Variants in ITGB7 observed in about 807,000 individuals in gnomAD.
ITGB7 encodes integrin beta-7.
In ITGB7, 55 loss-of-function variants were observed where a neutral mutation model predicts 83.4. That is an observed-to-expected ratio of 0.66 (90% CI 0.53 to 0.83). ITGB7 has a LOEUF of 0.83. Ranked by LOEUF, ITGB7 falls within the 40% of genes least tolerant of loss-of-function variation. The pLI is 0.00. For missense variants in ITGB7, 921 were observed against 1,046.7 expected (o/e 0.88, Z 1.66); for synonymous variants, 454 against 423.6 (o/e 1.07, Z -0.88).
At chr12:53,197,415 G>T in intron 5 of ITGB7, 78 bp downstream of exon 5, 2 of 1,547,884 alleles carry the variant, frequency 1.3e-6, no homozygotes, top group Non-Finnish European at 1.8e-6. Flanking sequence ...GCCCTTGTGA[G>T]TCCAGGATGT....
intron 5 of ITGB7, 48 bp from the exon 6 acceptor site, chr12:53,196,868 A>G: frequency 6.4e-7 from 1 of 1,561,414 alleles, no homozygotes; most frequent in Non-Finnish European, 8.7e-7. Flanking sequence ...GCAGGGCAGC[A>G]ACAGAGGACC....
intron 5 of ITGB7, 22 bp from the exon 6 acceptor site, chr12:53,196,842 G>T: frequency 6.3e-7 from 1 of 1,579,540 alleles, no homozygotes; most frequent in Non-Finnish European, 8.7e-7. Context: ...GAGGAATGAA[G>T]GTTGTGCCAG....
At chr12:53,191,782 A>T in intron 15 of ITGB7, 77 bp downstream of exon 15, 6 of 1,589,676 alleles carry the variant, frequency 3.8e-6, no homozygotes, top group Middle Eastern at 1.7e-4. Flanking sequence ...GGCTGGGGGA[A>T]CCCAGTGGGA....
At chr12:53,201,714 A>C (rs2120512517) in intron 1 of ITGB7, among the ~76,000 whole-genome samples, 1 of 152,310 alleles carries the variant, frequency 6.6e-6, no homozygotes. Flanking sequence ...CAAATAGCCA[A>C]AATAATCTTG....
At chr12:53,194,403 CT>C in intron 9 of ITGB7, 59 bp from the exon 10 acceptor site, 2 of 1,549,052 alleles carry the variant, frequency 1.3e-6, no homozygotes, top group South Asian at 2.3e-5. Flanking sequence ...CCAACCCCAC[CT>C]TATGTCCTCT....
At position 53,194,240 on chromosome 12, in the gene ITGB7, A is replaced by C. The variant is rs767095135; in HGVS notation, c.1266T>G (p.Ala422=). ...CGTGGTTGCACTGTCCTCGATCCTC[A>C]GCCTTACCCTCCCTCTTCTCAGGAC... is the stretch of plus-strand genomic sequence containing the variant. ...CEGPEKREGK[A]EDRGQCNHVR... is the part of the protein sequence containing the mutation. Residue 422 remains alanine, a synonymous_variant, in exon 10 of 16, where the codon GCT becomes GCG. Coordinates refer to ENST00000267082, the MANE Select transcript of ITGB7 (RefSeq NM_000889.3). 5.6e-6 allele frequency: 9 copies of C among 1,613,750 alleles called. No individual in the cohort carries two copies. The highest frequency in any genetic ancestry group is 7.6e-6 in the Non-Finnish European group (9 of 1,179,976).
chr12:53,192,241 C>G (rs1006471132), intron 14 of ITGB7, 89 bp downstream of exon 14: 1 of 1,408,394 alleles, frequency 7.1e-7, no homozygotes, highest in African/African-American at 1.4e-5. Context: ...CAGCCCCCAG[C>G]CTGTTTCCCA....
intron 6 of ITGB7, 181 bp from the exon 7 acceptor site, chr12:53,196,380 G>A: frequency 1.0e-6 from 1 of 995,880 alleles, no homozygotes; most frequent in Non-Finnish European, 1.5e-6. Context: ...GCTGCTAGTG[G>A]AGGCTTACTT....
Position 53,200,249 on chromosome 12 carries a change from C to T in ITGB7, c.195G>A (p.Lys65=). ...ACCATAGGCCCATCTTTACCAGTTGCTTGCACCATGCACAGCTGGGGTGTG... is the reference window on the plus strand; with the variant it reads ...ACCATAGGCCCATCTTTACCAGTTGTTTGCACCATGCACAGCTGGGGTGTG... ...ILSHPSCAWC[K]QLNFTASGEA... is the part of the protein sequence containing the mutation. Residue 65 remains lysine (K), a synonymous_variant, in exon 3 of 16, where the codon AAG becomes AAA. Transcript: ENST00000267082. 1 of 1,613,838 alleles carries T rather than the reference C, an allele frequency of 6.2e-7. No individual in the cohort carries two copies. Among genetic ancestry groups the T allele is most frequent in the Non-Finnish European group, 8.5e-7 (1 of 1,179,934 alleles).
Position 53,200,424 on chromosome 12 carries a change from A to G in ITGB7, c.20T>C (p.Val7Ala), listed in dbSNP as rs565729522. Reference protein sequence around the residue: MVALPMVLVLLLVLSRG... With the variant: MVALPMALVLLLVLSRG... ...GCTCAGGACCAGCAGCAAAACAAGG[A>G]CCATTGGCAAAGCCACCATGCCCTG... The change falls in exon 3 of 16, where the codon GTC becomes GCC. Residue 7 changes from valine (V) to alanine (A), a missense_variant. Val to Ala is a moderately conservative substitution (Grantham distance 64). Coordinates refer to ENST00000267082, the MANE Select transcript of ITGB7 (RefSeq NM_000889.3). 6 of 1,614,144 alleles carry G rather than the reference A, an allele frequency of 3.7e-6. No homozygotes were observed. Among genetic ancestry groups the G allele is most frequent in the African/African-American group, 1.3e-5 (1 of 75,020 alleles).
At position 53,200,233 on chromosome 12, in the gene ITGB7, C is replaced by A. The variant is rs1259225815; in HGVS notation, c.201+10G>T. 1.2e-6 allele frequency: 2 copies of A among 1,611,430 alleles called. No individual in the cohort carries two copies. The highest frequency in any genetic ancestry group is 1.7e-6 in the Non-Finnish European group (2 of 1,178,140). ...TACACATGGTTCAAAGACCATAGGC[C>A]CATCTTTACCAGTTGCTTGCACCAT... On this transcript the variant is annotated intron_variant, in intron 3 of 15. Coordinates refer to ENST00000267082, the MANE Select transcript of ITGB7 (RefSeq NM_000889.3).
chr12:53,201,741 A>G (rs1214939204), intron 1 of ITGB7, among the ~76,000 whole-genome samples: 1 of 152,124 alleles, frequency 6.6e-6, no homozygotes, highest in Non-Finnish European at 1.5e-5. Flanking sequence ...AGATACTGCA[A>G]AGCTACAGTG....
intron 1 of ITGB7, among the ~76,000 whole-genome samples, chr12:53,202,903 C>T (rs1942351981): frequency 6.6e-6 from 1 of 152,116 alleles, no homozygotes. Context: ...ACCCCCTCCC[C>T]ACCTCACACC....
intron 3 of ITGB7, 27 bp from the exon 4 acceptor site, chr12:53,197,978 G>A: frequency 6.6e-7 from 1 of 1,522,982 alleles, no homozygotes; most frequent in Non-Finnish European, 8.8e-7. Context: ...GGCGCGTCGG[G>A]ACCCGGTCCT....
At position 53,191,762 on chromosome 12, in the gene ITGB7, A is replaced by G. The variant is rs139962660; in HGVS notation, c.2316+97T>C. The G allele has an allele frequency of 7.8e-4, 1,225 of 1,562,412 alleles. 9 individuals are homozygous for G. The African/African-American group carries it at 0.015, about 19-fold the overall frequency. Reference sequence around the variant, plus strand: ...GGAAGTTAGCAGAGGGGTTGGTTACATGTGCCAGGGGCTGGGGGAACCCAG... The same window carrying G: ...GGAAGTTAGCAGAGGGGTTGGTTACGTGTGCCAGGGGCTGGGGGAACCCAG... On this transcript the variant is annotated intron_variant, in intron 15 of 15. Coordinates refer to ENST00000267082, the MANE Select transcript of ITGB7 (RefSeq NM_000889.3).
At chr12:53,198,497 C>T (rs1460491296) in intron 3 of ITGB7, among the ~76,000 whole-genome samples, 1 of 151,840 alleles carries the variant, frequency 6.6e-6, no homozygotes, top group African/African-American at 2.4e-5. Context: ...CCCAAGAAAT[C>T]CTCCTGCCCC....
At position 53,206,573 on chromosome 12, in the gene ITGB7, T is replaced by C. The variant is rs146921666; in HGVS notation, c.-127+629A>G. 9.8e-5 allele frequency: 15 copies of C among 152,474 alleles called. 1 individual carries two copies. Among genetic ancestry groups the C allele is most frequent in the African/African-American group, 3.6e-4 (15 of 41,550 alleles). 9.4% of individuals were successfully genotyped at this position (152,474 alleles called of 1,614,324 possible). ...CTTCCCTTCTCTCTCTGGGACCAAGTGGTTATTTCCATTTTTCTGGACTCC... is the reference window on the plus strand; with the variant it reads ...CTTCCCTTCTCTCTCTGGGACCAAGCGGTTATTTCCATTTTTCTGGACTCC... On this transcript the variant is annotated intron_variant, in intron 1 of 15. Transcript: ENST00000267082.
chr12:53,196,769 G>T lies in ITGB7; in HGVS notation c.626C>A (p.Pro209His). Reference sequence around the variant, plus strand: ...GGGGCAGGGGTGGCGCAGTTTGGAGGGTACTGTGCTCACAAAGGGCAGCAC... The same window carrying T: ...GGGGCAGGGGTGGCGCAGTTTGGAGTGTACTGTGCTCACAAAGGGCAGCAC... ...KTVLPFVSTV[P>H]SKLRHPCPTR... Residue 209 changes from proline to histidine, a missense_variant, in exon 6 of 16, where the codon CCC (proline) becomes CAC (histidine). Coordinates refer to ENST00000267082, the MANE Select transcript of ITGB7 (RefSeq NM_000889.3). The T allele has an allele frequency of 6.2e-7, 1 of 1,612,078 alleles. No individual in the cohort carries two copies. Among genetic ancestry groups the T allele is most frequent in the Non-Finnish European group, 8.5e-7 (1 of 1,178,376 alleles).
At chr12:53,196,255 C>A in intron 6 of ITGB7, 56 bp from the exon 7 acceptor site, 1 of 1,581,748 alleles carries the variant, frequency 6.3e-7, no homozygotes, top group Non-Finnish European at 8.6e-7. Context: ...TTGAGCCACC[C>A]CAGCCAGCTC....
Sources: allele counts gnomAD v4.1 joint callset (sites outside exome capture counted in the v4.1 genomes callset), GRCh38; gene constraint gnomAD v4.1.1; transcripts MANE v1.5; gene names NCBI Gene and HGNC (gene_info 2026-07-23, HGNC 2026-07-21).